ADAMTS17: variants seen among roughly 807,000 people sequenced by gnomAD.
ADAMTS17 encodes A disintegrin and metalloproteinase with thrombospondin motifs 17.
Under a neutral mutation model 141.5 loss-of-function variants are expected in ADAMTS17, and 113 were observed. The observed-to-expected ratio is 0.80, with a 90% CI of 0.69 to 0.93. The LOEUF (loss-of-function observed/expected upper bound fraction) is 0.93. Among genes scored for constraint, ADAMTS17 ranks in the 40% least tolerant of loss-of-function variants. The pLI is 0.00. For missense variants in ADAMTS17, 1,659 were observed against 1,517.9 expected, an observed-to-expected ratio of 1.09 and a Z score of -1.54; for synonymous variants, 768 against 630.6, an observed-to-expected ratio of 1.22 and a Z score of -3.27.
chr15:100,278,330 A>C (rs4965621), intron 4 of ADAMTS17, among the ~76,000 whole-genome samples: 2 of 92,454 alleles, frequency 2.2e-5, no homozygotes, highest in African/African-American at 3.5e-5. Flanking sequence ...TCTACCACAA[A>C]AAAAAAAAAA....
At chr15:100,257,506 C>A (rs2043367032) in intron 6 of ADAMTS17, among the ~76,000 whole-genome samples, 1 of 152,240 alleles carries the variant, frequency 6.6e-6, no homozygotes, top group South Asian at 2.1e-4. Context: ...AAGGCGTCAG[C>A]CCAAAATGCA....
chr15:100,330,938 G>A lies in ADAMTS17; in HGVS notation c.567C>T (p.Ser189=). 6.2e-7 allele frequency: 1 copy of A among 1,614,162 alleles called. No individual in the cohort carries two copies. The highest frequency in any genetic ancestry group is 8.5e-7 in the Non-Finnish European group (1 of 1,180,042). ...CAGGTCTCTGGGCCTCAGCAGAAGG[G>A]CTGGGGGTCAAGGACCATTTGCGCC... The part of the protein sequence containing the change: ...LIRRKWSLTP[S]PSAEAQRPEQ... The change falls in exon 3 of 22, where the codon AGC becomes AGT. Residue 189 remains serine (S), a synonymous_variant. Coordinates refer to ENST00000268070, the MANE Select transcript of ADAMTS17 (RefSeq NM_139057.4).
intron 13 of ADAMTS17, among the ~76,000 whole-genome samples, chr15:100,114,158 C>CTT (rs10712411): frequency 1.2e-4 from 17 of 142,702 alleles, no homozygotes; most frequent in African/African-American, 4.2e-4. Flanking sequence ...ATTCTTTCTT[C>CTT]TTTTTTTTTT....
At chr15:100,098,257 C>T (rs55763954) in intron 14 of ADAMTS17, among the ~76,000 whole-genome samples, 1 of 151,630 alleles carries the variant, frequency 6.6e-6, no homozygotes, top group East Asian at 2.0e-4. Context: ...GGGAAGCCAG[C>T]TGTGATGAGG....
At chr15:100,103,140 G>C (rs966377263) in intron 14 of ADAMTS17, among the ~76,000 whole-genome samples, 10 of 152,312 alleles carry the variant, frequency 6.6e-5, no homozygotes, top group African/African-American at 2.2e-4. Flanking sequence ...TGGTCTGCTG[G>C]CTTCAACCAG....
At chr15:100,281,534 G>T in intron 3 of ADAMTS17, 133 bp from the exon 4 acceptor site, 1 of 1,183,690 alleles carries the variant, frequency 8.4e-7, no homozygotes, top group Non-Finnish European at 1.2e-6. Context: ...CCAGCACCCA[G>T]CAATCTCCAC....
intron 8 of ADAMTS17, among the ~76,000 whole-genome samples, chr15:100,162,378 T>C (rs1029334939): frequency 7.5e-5 from 11 of 147,526 alleles, no homozygotes; most frequent in African/African-American, 2.5e-4. Context: ...TATATATATG[T>C]TATATATATA....
chr15:99,994,589 C>T (rs547847600), intron 19 of ADAMTS17, among the ~76,000 whole-genome samples: 28 of 152,238 alleles, frequency 1.8e-4, no homozygotes, highest in Admixed American at 5.9e-4. Context: ...TATTTTGAGA[C>T]GGAGTCTCGC....
At chr15:100,096,026 T>C (rs576541123) in intron 15 of ADAMTS17, among the ~76,000 whole-genome samples, 3 of 152,286 alleles carry the variant, frequency 2.0e-5, no homozygotes, top group Admixed American at 2.0e-4. Flanking sequence ...GGCAGGTGTC[T>C]CTCCCACCTT....
At chr15:100,089,553 T>C (rs140614593) in intron 15 of ADAMTS17, among the ~76,000 whole-genome samples, 29,882 of 149,678 alleles carry the variant, frequency 0.2, 3,624 homozygotes, top group East Asian at 0.44. Context: ...TGTGGCACTA[T>C]TCACAATAGC....
intron 4 of ADAMTS17, among the ~76,000 whole-genome samples, chr15:100,270,710 G>C (rs1463994475): frequency 1.4e-5 from 2 of 141,900 alleles, no homozygotes; most frequent in African/African-American, 5.2e-5. Context: ...ATACTGCAAA[G>C]GCAGGTGATA....
chr15:100,204,797 T>C (rs1216089504), intron 7 of ADAMTS17, among the ~76,000 whole-genome samples: 3 of 151,842 alleles, frequency 2.0e-5, no homozygotes, highest in African/African-American at 7.3e-5. Context: ...AACAGAAGAG[T>C]AGCTGAGGCG....
chr15:100,296,564 G>A (rs1057338643), intron 3 of ADAMTS17, among the ~76,000 whole-genome samples: 2 of 143,808 alleles, frequency 1.4e-5, no homozygotes, highest in African/African-American at 2.7e-5. Context: ...TTTTTTGTTT[G>A]GAGGGGGTGA....
At chr15:100,090,692 G>A (rs1046603483) in intron 15 of ADAMTS17, among the ~76,000 whole-genome samples, 18 of 152,072 alleles carry the variant, frequency 1.2e-4, no homozygotes, top group Admixed American at 8.5e-4. Context: ...ACCGTCCTAC[G>A]ACAAGTTTCT....
chr15:100,147,182 T>C (rs58039710), intron 10 of ADAMTS17, among the ~76,000 whole-genome samples: 263 of 152,260 alleles, frequency 1.7e-3, no homozygotes, highest in African/African-American at 6.0e-3. Context: ...CGAGATGTGA[T>C]GTCTCCCCTG....
intron 3 of ADAMTS17, among the ~76,000 whole-genome samples, chr15:100,328,919 C>T (rs2045968930): frequency 6.6e-6 from 1 of 152,122 alleles, no homozygotes; most frequent in South Asian, 2.1e-4. Context: ...CATGGCCCTG[C>T]TTGAAGGTGC....
intron 8 of ADAMTS17, among the ~76,000 whole-genome samples, chr15:100,156,946 G>C (rs566419677): frequency 6.6e-6 from 1 of 152,218 alleles, no homozygotes; most frequent in Non-Finnish European, 1.5e-5. Flanking sequence ...ACTTGAAACT[G>C]GGCAATTTTT....
At chr15:100,147,019 C>T (rs1399975310) in intron 10 of ADAMTS17, among the ~76,000 whole-genome samples, 1 of 152,154 alleles carries the variant, frequency 6.6e-6, no homozygotes, top group Non-Finnish European at 1.5e-5. Context: ...GTCCTGTGAT[C>T]TCGCCCTGCC....
intron 13 of ADAMTS17, among the ~76,000 whole-genome samples, chr15:100,115,927 C>T (rs2037087693): frequency 6.6e-6 from 1 of 152,164 alleles, no homozygotes; most frequent in South Asian, 2.1e-4. Flanking sequence ...GGTCAGCTCC[C>T]GCCCTGGCCT....
Sources: allele counts gnomAD v4.1 joint callset (sites outside exome capture counted in the v4.1 genomes callset), GRCh38; gene constraint gnomAD v4.1.1; transcripts MANE v1.5; gene names NCBI Gene and HGNC (gene_info 2026-07-23, HGNC 2026-07-21).